Variants in OPRM1 observed in about 807,000 individuals in gnomAD.
OPRM1 encodes the protein mu-type opioid receptor.
OPRM1 carries 27 observed loss-of-function variants against 31.8 expected under a neutral mutation model. The ratio of observed to expected loss-of-function variants is 0.85; its 90% confidence interval spans 0.63 to 1.17. The LOEUF (loss-of-function observed/expected upper bound fraction) is 1.17. Ranked by LOEUF, OPRM1 falls within the 50% of genes most tolerant of loss-of-function variation. The pLI is 0.00. For synonymous variants in OPRM1, 196 were observed against 189.9 expected (o/e 1.03, Z -0.26); for missense variants, 536 against 511.1 (o/e 1.05, Z -0.47).
chr6:154,206,163 T>C (rs1583795149), intron 3 of OPRM1, among the ~76,000 whole-genome samples: 1 of 152,196 alleles, frequency 6.6e-6, no homozygotes, highest in East Asian at 1.9e-4. Context: ...GGGCAAGTGA[T>C]ATCCCATAAA....
intron 3 of OPRM1, chr6:154,154,788 C>A (rs1798645864): frequency 6.6e-6 from 1 of 152,302 alleles, no homozygotes; most frequent in African/African-American, 2.4e-5. Context: ...AGAAATGAGC[C>A]ATGCCTCTTT....
chr6:154,218,245 G>A (rs1169104013), intron 3 of OPRM1, among the ~76,000 whole-genome samples: 4 of 152,166 alleles, frequency 2.6e-5, no homozygotes, highest in Non-Finnish European at 5.9e-5. Flanking sequence ...AGGAGAACAA[G>A]TTTTAAGAAA....
At chr6:154,149,519 A>G (rs576698520) in intron 3 of OPRM1, among the ~76,000 whole-genome samples, 1 of 152,158 alleles carries the variant, frequency 6.6e-6, no homozygotes, top group South Asian at 2.1e-4. Context: ...CTTGAGGGTT[A>G]GGTCTCAAAA....
chr6:154,036,971 G>A (rs557687465), upstream of OPRM1, among the ~76,000 whole-genome samples: 110 of 151,878 alleles, frequency 7.2e-4, no homozygotes, highest in Non-Finnish European at 1.1e-3. Flanking sequence ...GGAGTACAAA[G>A]CTAGGAGAGT....
chr6:154,044,722 T>C (rs1056511844), intron 1 of OPRM1, among the ~76,000 whole-genome samples: 4 of 152,148 alleles, frequency 2.6e-5, no homozygotes, highest in Admixed American at 2.6e-4. Context: ...AATTAATTGG[T>C]GTCTGTAGGT....
At position 154,066,684 on chromosome 6, in the gene OPRM1, G is replaced by T. The variant is rs182621162; in HGVS notation, c.291-23142G>T. On this transcript the variant is annotated intron_variant, in intron 1 of 3. Transcript: ENST00000330432. ...AGTCTTATAAGAATTGAGAGAGAGA[G>T]AGAGATCTCCTTTAAGCAAAGAGGA... is the stretch of plus-strand genomic sequence containing the variant. Among the ~76,000 whole-genome samples, 32 of 152,182 alleles carry T rather than the reference G, an allele frequency of 2.1e-4. No homozygotes were observed. The East Asian group carries it at 5.6e-3, about 27-fold the overall frequency.
Position 154,128,562 on chromosome 6 carries a change from CT to C in OPRM1, c.*9849del, listed in dbSNP as rs910057229. Among the ~76,000 whole-genome samples the C allele has an allele frequency of 2.0e-5, 3 of 151,960 alleles. No individual in the cohort carries two copies. Among genetic ancestry groups the C allele is most frequent in the Admixed American group, 6.6e-5 (1 of 15,260 alleles). ...TAAAATATGGGCACCTCTTTTAATT[CT>C]TTTTTTTCTCATAATAAGTTTGAAA... On this transcript the variant is annotated 3_prime_UTR_variant, in exon 4 of 4. Coordinates refer to ENST00000330432, the MANE Select transcript of OPRM1 (RefSeq NM_000914.5).
intron 1 of OPRM1, among the ~76,000 whole-genome samples, chr6:154,061,323 T>C (rs1784371610): frequency 6.6e-6 from 1 of 152,208 alleles, no homozygotes; most frequent in South Asian, 2.1e-4. Context: ...AACACTGCCA[T>C]GTTACCCGCA....
chr6:154,245,995 A>C (rs575348481), intron 3 of OPRM1, among the ~76,000 whole-genome samples: 3 of 152,232 alleles, frequency 2.0e-5, no homozygotes, highest in Non-Finnish European at 2.9e-5. Flanking sequence ...ATGTTGTCTA[A>C]GCACGACTAG....
intron 3 of OPRM1, among the ~76,000 whole-genome samples, chr6:154,144,085 A>G (rs1036540707): frequency 6.6e-6 from 1 of 152,236 alleles, no homozygotes; most frequent in Admixed American, 6.5e-5. Context: ...AAATGAGCCA[A>G]TTCCCCAAAA....
intron 1 of OPRM1, chr6:154,086,932 T>G: frequency 1.0e-6 from 1 of 984,224 alleles, no homozygotes. Flanking sequence ...GGTCAATTAT[T>G]CTAAATCTTA....
intron 1 of OPRM1, among the ~76,000 whole-genome samples, chr6:154,015,663 A>G (rs550688035): frequency 1.3e-5 from 2 of 152,086 alleles, no homozygotes; most frequent in Non-Finnish European, 2.9e-5. Flanking sequence ...ATGAATACAT[A>G]AAATAAAAAG....
At chr6:154,195,606 T>A (rs1168835735) in intron 3 of OPRM1, among the ~76,000 whole-genome samples, 2 of 152,132 alleles carry the variant, frequency 1.3e-5, no homozygotes, top group African/African-American at 2.4e-5. Flanking sequence ...CATGTACATA[T>A]CTTGCCACTT....
At chr6:154,073,178 G>C (rs1308411136) in intron 1 of OPRM1, among the ~76,000 whole-genome samples, 1 of 152,100 alleles carries the variant, frequency 6.6e-6, no homozygotes, top group Non-Finnish European at 1.5e-5. Flanking sequence ...CTGAAACTAA[G>C]AACAGCCAAT....
At chr6:154,029,107 G>A (rs1427577227) in intron 1 of OPRM1, among the ~76,000 whole-genome samples, 1 of 151,958 alleles carries the variant, frequency 6.6e-6, no homozygotes, top group Non-Finnish European at 1.5e-5. Flanking sequence ...CTCTTGTAGG[G>A]GTCTCTATGT....
chr6:154,040,384 C>T (rs535492836), intron 1 of OPRM1, among the ~76,000 whole-genome samples: 8 of 152,100 alleles, frequency 5.3e-5, no homozygotes, highest in Non-Finnish European at 1.2e-4. Context: ...ACAACCCCAC[C>T]CTTTCTTCTC....
chr6:154,106,709 T>C (rs890776173), intron 3 of OPRM1, among the ~76,000 whole-genome samples: 2 of 152,166 alleles, frequency 1.3e-5, no homozygotes, highest in Non-Finnish European at 2.9e-5. Context: ...TTATATAAAA[T>C]CTCTTTCTTT....
intron 3 of OPRM1, among the ~76,000 whole-genome samples, chr6:154,225,109 T>C (rs1779151546): frequency 6.6e-6 from 1 of 152,210 alleles, no homozygotes; most frequent in Non-Finnish European, 1.5e-5. Context: ...ATTTTTCTGA[T>C]TTGGGGATAT....
intron 1 of OPRM1, among the ~76,000 whole-genome samples, chr6:154,028,131 C>T (rs1293625708): frequency 6.6e-6 from 1 of 152,182 alleles, no homozygotes; most frequent in Non-Finnish European, 1.5e-5. Context: ...ACTCAAGGCC[C>T]TCGACATAGT....
Sources: allele counts gnomAD v4.1 joint callset (sites outside exome capture counted in the v4.1 genomes callset), GRCh38; gene constraint gnomAD v4.1.1; transcripts MANE v1.5; gene names NCBI Gene and HGNC (gene_info 2026-07-23, HGNC 2026-07-21).